ATP2B3: variants seen among roughly 807,000 people sequenced by gnomAD.
ATP2B3 encodes the protein ATPase plasma membrane Ca2+ transporting 3, also known as plasma membrane calcium-transporting ATPase 3.
Under a neutral mutation model 70.8 loss-of-function variants are expected in ATP2B3, and 12 were observed. That is an observed-to-expected ratio of 0.17 (90% confidence interval 0.11 to 0.27). The LOEUF is 0.27. Among genes scored for constraint, ATP2B3 ranks in the 10% least tolerant of loss-of-function variants. The probability of loss-of-function intolerance (pLI) is 1.00; values close to 1 mark genes in which losing one functional copy is unlikely to be tolerated. For synonymous variants in ATP2B3, 460 were observed against 497.8 expected, an observed-to-expected ratio of 0.92 and a Z score of 1.01; for missense variants, 858 against 1,118.5, an observed-to-expected ratio of 0.77 and a Z score of 3.32.
chrX:153,523,888 G>A lies in ATP2B3; in HGVS notation c.-127+5337G>A, dbSNP rs782692083. ...TTTTTGTATTTTTAATAGACCCGGG[G>A]TTTTACCATGTTGGCCAGGCTGGTC... On this transcript the variant is annotated intron_variant, in intron 2 of 21. Coordinates refer to ENST00000263519, the MANE Select transcript of ATP2B3 (RefSeq NM_001001344.3). Among the ~76,000 whole-genome samples the A allele has an allele frequency of 4.6e-5, 5 of 109,728 alleles. No homozygotes were observed. The South Asian group carries it at 2.0e-3, about 43-fold the overall frequency.
At chrX:153,531,457 G>A (rs781834175) in intron 2 of ATP2B3, among the ~76,000 whole-genome samples, 10 of 113,408 alleles carry the variant, frequency 8.8e-5, no homozygotes, top group East Asian at 2.8e-4. Flanking sequence ...GAGTCACGTC[G>A]CTGAGTGATG....
rs1216505700 is a variant in ATP2B3, at chrX:153,565,025, A to G, written c.3264A>G (p.Glu1088=). The G allele has an allele frequency of 2.5e-6, 3 of 1,201,821 alleles. No homozygotes were observed. The East Asian group carries it at 9.0e-5, about 36-fold the overall frequency. The change falls in exon 21 of 22, where the codon GAA becomes GAG. Residue 1088 remains glutamate, a synonymous_variant. Coordinates refer to ENST00000263519, the MANE Select transcript of ATP2B3 (RefSeq NM_001001344.3). ...MTDEELAEGE[E]EIDHAERELR... is the part of the protein sequence containing the mutation. ...ACGAGGAGCTGGCCGAAGGCGAGGA[A>G]GAGATCGACCATGCCGAGCGGGAGC...
At chrX:153,569,004 A>G (rs1337168960) in intron 21 of ATP2B3, among the ~76,000 whole-genome samples, 1 of 112,303 alleles carries the variant, frequency 8.9e-6, no homozygotes, top group East Asian at 2.8e-4. Flanking sequence ...TTCCCCTTCA[A>G]TTTGCAGGAA....
At chrX:153,562,034 G>T (rs1274057613) in intron 19 of ATP2B3, 101 bp from the exon 20 acceptor site, 8 of 751,299 alleles carry the variant, frequency 1.1e-5, no homozygotes, top group Non-Finnish European at 1.4e-5. Context: ...CCGTGCAACT[G>T]GGGGAACCAA....
intron 15 of ATP2B3, 52 bp from the exon 16 acceptor site, chrX:153,556,865 G>C (rs1407634635): frequency 2.7e-6 from 3 of 1,129,440 alleles, no homozygotes; most frequent in Non-Finnish European, 3.6e-6. Flanking sequence ...GGCTACACAG[G>C]GTTGTGGTGA....
At chrX:153,547,117 C>T (rs1291359267) in intron 8 of ATP2B3, among the ~76,000 whole-genome samples, 1 of 111,173 alleles carries the variant, frequency 9.0e-6, no homozygotes, top group Admixed American at 9.5e-5. Flanking sequence ...GGTCCCGGGG[C>T]AGAAGAGGGA....
chrX:153,529,206 G>C (rs782278531), intron 2 of ATP2B3, among the ~76,000 whole-genome samples: 66 of 112,142 alleles, frequency 5.9e-4, no homozygotes, highest in African/African-American at 2.1e-3. Flanking sequence ...GAGCAAGAGG[G>C]CAGGAGCAGT....
chrX:153,575,878 G>A (rs189675247), intron 21 of ATP2B3, among the ~76,000 whole-genome samples: 76 of 110,724 alleles, frequency 6.9e-4, no homozygotes, highest in African/African-American at 2.3e-3. Flanking sequence ...GGCCTCTCAG[G>A]GCCATCAGCC....
intron 21 of ATP2B3, among the ~76,000 whole-genome samples, chrX:153,576,097 C>T (rs1256449574): frequency 9.0e-6 from 1 of 111,680 alleles, no homozygotes. Flanking sequence ...TTTGGGGGTA[C>T]AGTTCAATGA....
intron 21 of ATP2B3, 42 bp downstream of exon 21, chrX:153,565,145 G>A (rs1261086687): frequency 5.9e-5 from 67 of 1,132,365 alleles, no homozygotes; most frequent in Non-Finnish European, 7.8e-5. Flanking sequence ...TCCACCCCAA[G>A]AGGGTAGAGG....
chrX:153,538,285 C>T (rs782625941), intron 3 of ATP2B3, among the ~76,000 whole-genome samples: 2 of 113,318 alleles, frequency 1.8e-5, no homozygotes, highest in African/African-American at 6.4e-5. Flanking sequence ...ATGCCAATCC[C>T]CTGACAAGGT....
intron 2 of ATP2B3, among the ~76,000 whole-genome samples, chrX:153,526,090 G>C (rs782616895): frequency 2.6e-4 from 29 of 112,668 alleles, no homozygotes; most frequent in Non-Finnish European, 5.1e-4. Flanking sequence ...ATCTGAGATG[G>C]AGACGGGCAG....
intron 21 of ATP2B3, chrX:153,569,651 G>T (rs1557019279): frequency 8.3e-7 from 1 of 1,211,459 alleles, no homozygotes. Context: ...TCAGGGTGCT[G>T]TGCGCCGGCG....
intron 7 of ATP2B3, among the ~76,000 whole-genome samples, chrX:153,545,829 C>T (rs2090356947): frequency 8.9e-6 from 1 of 111,917 alleles, no homozygotes; most frequent in African/African-American, 3.2e-5. Flanking sequence ...TGACCCAGGG[C>T]CCTTCCAAGG....
rs782560771 is a variant in ATP2B3, at chrX:153,541,919, C to A, written c.657C>A (p.Val219=). 1.3e-5 allele frequency: 16 copies of A among 1,208,727 alleles called. No homozygotes were observed. Among genetic ancestry groups the A allele is most frequent in the Non-Finnish European group, 1.5e-5 (13 of 894,744 alleles). Residue 219 remains valine, a synonymous_variant, in exon 5 of 22, where the codon GTC becomes GTA. Coordinates refer to ENST00000263519, the MANE Select transcript of ATP2B3 (RefSeq NM_001001344.3). ...AALVVGDIAQ[V]KYGDLLPADG... ...TGGTGGTGGGGGACATTGCCCAGGT[C>A]AAGTACGGTGAGTGCCCTGGTCTTC...
chrX:153,571,620 G>C (rs1412288423), intron 21 of ATP2B3, among the ~76,000 whole-genome samples: 1 of 112,049 alleles, frequency 8.9e-6, no homozygotes, highest in Non-Finnish European at 1.9e-5. Context: ...TTGGCTCCTA[G>C]CACTTCCTTC....
chrX:153,543,421 C>G (rs782760337), intron 7 of ATP2B3, among the ~76,000 whole-genome samples: 1 of 112,928 alleles, frequency 8.9e-6, no homozygotes, highest in Admixed American at 9.3e-5. Context: ...CCAAAGGCTC[C>G]GGGATCCCAT....
intron 9 of ATP2B3, 101 bp downstream of exon 9, chrX:153,548,100 G>C: frequency 2.9e-6 from 3 of 1,032,052 alleles, no homozygotes; most frequent in Non-Finnish European, 3.8e-6. Flanking sequence ...GGTGGGAAGG[G>C]ATGTGGCAGG....
chrX:153,519,474 G>A (rs1393376344), intron 2 of ATP2B3, among the ~76,000 whole-genome samples: 3 of 93,548 alleles, frequency 3.2e-5, no homozygotes, highest in Admixed American at 1.2e-4. Flanking sequence ...CCCACCCCCC[G>A]CCGCCACTTT....
Sources: gnomAD v4.1 joint callset for allele counts (sites outside exome capture counted in the v4.1 genomes callset) on GRCh38, gnomAD v4.1.1 for gene constraint, MANE v1.5 for transcripts, NCBI Gene and HGNC (gene_info 2026-07-23, HGNC 2026-07-21) for gene names.